Variants in HUWE1 observed in about 807,000 individuals in gnomAD.
The protein encoded by HUWE1 is HECT, UBA and WWE domain containing E3 ubiquitin protein ligase 1.
In HUWE1, 18 loss-of-function variants were observed where a neutral mutation model predicts 299.4. The ratio of observed to expected loss-of-function variants is 0.06; its 90% CI spans 0.04 to 0.09. HUWE1 has a LOEUF of 0.09. Among genes scored for constraint, HUWE1 ranks in the 10% least tolerant of loss-of-function variants. HUWE1 has a pLI of 1.00. For missense variants in HUWE1, 1,832 were observed against 3,462.3 expected (o/e 0.53, Z 11.82); for synonymous variants, 1,317 against 1,286.1 (o/e 1.02, Z -0.51).
intron 30 of HUWE1, among the ~76,000 whole-genome samples, 199 bp downstream of exon 30, chrX:53,594,988 T>C (rs782582630): frequency 7.1e-5 from 8 of 111,963 alleles, no homozygotes; most frequent in Non-Finnish European, 1.3e-4. Flanking sequence ...GCAGTTTGAC[T>C]GTAAATACTT....
At chrX:53,590,862 G>T (rs782743817) in intron 34 of HUWE1, 138 bp downstream of exon 34, 1 of 763,851 alleles carries the variant, frequency 1.3e-6, no homozygotes, top group Non-Finnish European at 1.9e-6. Context: ...ATTATGAAAA[G>T]AAAATACTGG....
At chrX:53,684,705 A>T (rs1002197308) in intron 2 of HUWE1, among the ~76,000 whole-genome samples, 5 of 112,301 alleles carry the variant, frequency 4.5e-5, no homozygotes, top group African/African-American at 1.6e-4. Context: ...TCAATCTCAC[A>T]GTAAGCACAC....
chrX:53,578,499 G>A (rs1297536507), intron 43 of HUWE1, among the ~76,000 whole-genome samples: 5 of 68,479 alleles, frequency 7.3e-5, no homozygotes, highest in African/African-American at 1.1e-4. Flanking sequence ...GTCAGCCCCC[G>A]GCCCGGCCAG....
At chrX:53,577,311 G>C (rs138264616) in intron 43 of HUWE1, among the ~76,000 whole-genome samples, 157 of 110,270 alleles carry the variant, frequency 1.4e-3, no homozygotes, top group African/African-American at 5.0e-3. Context: ...TTGAAATCCA[G>C]TTGTTAATTC....
intron 17 of HUWE1, among the ~76,000 whole-genome samples, chrX:53,626,212 TAC>T (rs1325774631): frequency 1.5e-5 from 1 of 65,249 alleles, no homozygotes; most frequent in African/African-American, 4.9e-5. Context: ...CGTACATACA[TAC>T]ACGTGTGTGT....
At position 53,562,840 on chromosome X, in the gene HUWE1, T is replaced by G; in HGVS notation, c.7195A>C (p.Asn2399His). 1 of 1,209,273 alleles carries G rather than the reference T, an allele frequency of 8.3e-7. No homozygotes were observed. The highest frequency in any genetic ancestry group is 1.1e-6 in the Non-Finnish European group (1 of 893,750). Reference protein sequence around the residue: ...NLSQASTLQANREDSMNILDP... With the variant: ...NLSQASTLQAHREDSMNILDP... ...GCCTCGGCACTCTCACCTTCTCGGT[T>G]GGCCTGCAAGGTGGAAGCTTGGCTG... Residue 2399 changes from asparagine (N) to histidine (H), a missense_variant, in exon 53 of 84, where the codon AAC becomes CAC. Asn to His is a moderately conservative substitution (Grantham distance 68, BLOSUM62 1). Transcript: ENST00000262854.
In HUWE1 at chrX:53,545,104, C is replaced by T; in HGVS notation, c.10973G>A (p.Cys3658Tyr). 8.3e-6 allele frequency: 10 copies of T among 1,210,113 alleles called. No individual in the cohort carries two copies. The highest frequency in any genetic ancestry group is 1.0e-5 in the Non-Finnish European group (9 of 894,740). ...YNLEQQRRAQ[C>Y]ETLSPDGLPE... ...CAGGCCATCAGGAGAGAGGGTTTCA[C>T]ATTGGGCTCGCCGCTGCTGCTCGAG... The change falls in exon 71 of 84, where the codon TGT becomes TAT. Residue 3658 changes from cysteine to tyrosine, a missense_variant. Transcript: ENST00000262854.
chrX:53,682,479 G>C (rs782245802), intron 2 of HUWE1, among the ~76,000 whole-genome samples: 1 of 111,293 alleles, frequency 9.0e-6, no homozygotes, highest in Admixed American at 9.5e-5. Flanking sequence ...AAATGATAGG[G>C]AATTAACTGC....
intron 78 of HUWE1, 24 bp from the exon 79 acceptor site, chrX:53,536,691 A>G: frequency 4.2e-6 from 5 of 1,191,087 alleles, no homozygotes; most frequent in Non-Finnish European, 5.7e-6. Context: ...CAGAAGCAGA[A>G]AAGAGCTGTG....
At chrX:53,617,233 G>C in intron 20 of HUWE1, 86 bp from the exon 21 acceptor site, 4 of 1,026,547 alleles carry the variant, frequency 3.9e-6, no homozygotes, top group Non-Finnish European at 5.4e-6. Context: ...AGCTGAGATA[G>C]AAGGAATTTT....
chrX:53,625,287 T>A, intron 17 of HUWE1, 29 bp from the exon 18 acceptor site: 1 of 1,021,349 alleles, frequency 9.8e-7, no homozygotes, highest in Non-Finnish European at 1.4e-6. Context: ...AAAAGAATTA[T>A]GCTGAGTTCG....
At chrX:53,629,016 T>C (rs2066699404) in intron 13 of HUWE1, 114 bp from the exon 14 acceptor site, 3 of 619,460 alleles carry the variant, frequency 4.8e-6, no homozygotes, top group Non-Finnish European at 7.7e-6. Context: ...TGGTAACTGC[T>C]TGAGGGGATG....
rs1433509856 is a variant in HUWE1, at chrX:53,614,522, G to A, written c.2261+12C>T. 2.6e-6 allele frequency: 3 copies of A among 1,176,086 alleles called. No individual in the cohort carries two copies. Among genetic ancestry groups the A allele is most frequent in the Non-Finnish European group, 3.5e-6 (3 of 862,955 alleles). ...ATTATATGGCTAGATGATCTGTTCT[G>A]TAAACACTTACTGCTGATTAGGCTC... On this transcript the variant is annotated intron_variant, in intron 23 of 83. Coordinates refer to ENST00000262854, the MANE Select transcript of HUWE1 (RefSeq NM_031407.7).
chrX:53,605,598 G>C (rs1169228779), intron 25 of HUWE1, among the ~76,000 whole-genome samples: 1 of 112,412 alleles, frequency 8.9e-6, no homozygotes, highest in Non-Finnish European at 1.9e-5. Flanking sequence ...AGCTAACAAA[G>C]GAGTTTCACA....
At position 53,533,238 on chromosome X, in the gene HUWE1, C is replaced by CT. The variant is rs1472188885; in HGVS notation, c.*70dup. ...GGTTTTTGACAATTTCTTTCTGGTT[C>CT]TTTTTTTAACTCCCCCCTCCCCAGG... On this transcript the variant is annotated 3_prime_UTR_variant, in exon 84 of 84. Coordinates refer to ENST00000262854, the MANE Select transcript of HUWE1 (RefSeq NM_031407.7). The CT allele has an allele frequency of 2.0e-5, 13 of 654,667 alleles. No homozygotes were observed. The highest frequency in any genetic ancestry group is 4.4e-5 in the African/African-American group (2 of 45,106). The allele number at this position is 654,667 out of a possible 1,213,427, so 54.0% of individuals were successfully genotyped here.
intron 35 of HUWE1, among the ~76,000 whole-genome samples, chrX:53,590,024 C>T (rs928390423): frequency 1.8e-5 from 2 of 112,105 alleles, no homozygotes; most frequent in African/African-American, 3.2e-5. Flanking sequence ...ACAACTTTCA[C>T]TGTCAAGTCA....
chrX:53,632,372 A>G (rs1293592165), intron 9 of HUWE1, 115 bp downstream of exon 9: 1 of 560,383 alleles, frequency 1.8e-6, no homozygotes, highest in African/African-American at 2.3e-5. Context: ...ATAGTTTGCG[A>G]GGGCAGCAGT....
chrX:53,534,000 C>T lies in HUWE1; in HGVS notation c.13022+7G>A, dbSNP rs1556909135. The T allele has an allele frequency of 8.3e-7, 1 of 1,207,044 alleles. No homozygotes were observed. Among genetic ancestry groups the T allele is most frequent in the Middle Eastern group, 2.3e-4 (1 of 4,340 alleles). On this transcript the variant is annotated splice_region_variant and intron_variant, in intron 83 of 83. Coordinates refer to ENST00000262854, the MANE Select transcript of HUWE1 (RefSeq NM_031407.7). ...ACTGAAAAGGAGAAACAAACCCTTC[C>T]TTTTACCATGTGTGAGCTGAAGGCA... is the stretch of plus-strand genomic sequence containing the variant.
At chrX:53,601,360 T>C (rs1424732029) in intron 28 of HUWE1, among the ~76,000 whole-genome samples, 2 of 109,851 alleles carry the variant, frequency 1.8e-5, no homozygotes, top group Non-Finnish European at 3.8e-5. Context: ...TTTTGTATTT[T>C]TTTTGTAGAG....
Sources: gnomAD v4.1 joint callset for allele counts (sites outside exome capture counted in the v4.1 genomes callset) on GRCh38, gnomAD v4.1.1 for gene constraint, MANE v1.5 for transcripts, NCBI Gene and HGNC (gene_info 2026-07-23, HGNC 2026-07-21) for gene names.